The following SRGAP2 variants were observed in gnomAD, a reference collection of about 807,000 sequenced individuals.
SRGAP2 encodes the protein SLIT-ROBO Rho GTPase-activating protein 2.
A neutral mutation model predicts 57.2 loss-of-function variants in SRGAP2; 15 were observed. The observed-to-expected ratio is 0.26, with a 90% CI of 0.18 to 0.40. The LOEUF is 0.40. Among genes scored for constraint, SRGAP2 ranks in the 10% least tolerant of loss-of-function variants. SRGAP2 has a pLI of 1.00. For synonymous variants in SRGAP2, 249 were observed against 248.0 expected (o/e 1.00, Z -0.04); for missense variants, 520 against 669.6 (o/e 0.78, Z 2.47).
chr1:206,394,287 C>T (rs1289946138), intron 7 of SRGAP2, among the ~76,000 whole-genome samples: 1 of 151,514 alleles, frequency 6.6e-6, no homozygotes, highest in Non-Finnish European at 1.5e-5. Flanking sequence ...CCTCAGGTGA[C>T]CTGACCTCAG....
chr1:206,252,357 G>A (rs1186398603), intron 2 of SRGAP2, among the ~76,000 whole-genome samples: 1 of 151,886 alleles, frequency 6.6e-6, no homozygotes, highest in African/African-American at 2.4e-5. Flanking sequence ...TTAGAAATAA[G>A]TGTGAGTCCA....
chr1:206,438,846 G>GATCTTCTT (rs1662014526), intron 16 of SRGAP2, among the ~76,000 whole-genome samples: 1 of 152,338 alleles, frequency 6.6e-6, no homozygotes, highest in East Asian at 1.9e-4. Context: ...AGGTTGACCA[G>GATCTTCTT]ATCTTCATAC....
At chr1:206,248,676 G>A (rs1668647070) in intron 2 of SRGAP2, among the ~76,000 whole-genome samples, 1 of 152,138 alleles carries the variant, frequency 6.6e-6, no homozygotes, top group African/African-American at 2.4e-5. Context: ...GGATTTCACC[G>A]TGGATGTTGG....
chr1:206,450,438 A>T lies in SRGAP2; in HGVS notation c.2152A>T (p.Thr718Ser). The change falls in exon 19 of 23, where the codon ACC becomes TCC. Residue 718 changes from threonine to serine, a missense_variant. By Grantham distance (58) the Thr-to-Ser change is moderately conservative (BLOSUM62 1). Transcript: ENST00000573034. Reference protein sequence around the residue: ...TSVEDSTQDVTAEHHTSDDEC... With the variant: ...TSVEDSTQDVSAEHHTSDDEC... ...GGTTGAAGACTCAACCCAGGATGTG[A>T]CCGCAGAGCACCACACGAGCGATGA... is the stretch of plus-strand genomic sequence containing the variant. 1 of 780,846 alleles carries T rather than the reference A, an allele frequency of 1.3e-6. No individual in the cohort carries two copies. Among genetic ancestry groups the T allele is most frequent in the Non-Finnish European group, 2.4e-6 (1 of 417,966 alleles). The allele number at this position is 780,846 out of a possible 1,614,324, so 48.4% of individuals were successfully genotyped here. A position where few individuals can be genotyped will look rare whatever the true frequency, so the allele number is the denominator to read the frequency against.
chr1:206,422,558 C>T (rs1054678980), intron 13 of SRGAP2, among the ~76,000 whole-genome samples: 1 of 152,122 alleles, frequency 6.6e-6, no homozygotes, highest in African/African-American at 2.4e-5. Context: ...AGCCATTTTC[C>T]CTTTAACACT....
intron 10 of SRGAP2, among the ~76,000 whole-genome samples, chr1:206,413,974 A>G (rs1659443365): frequency 6.6e-6 from 1 of 152,126 alleles, no homozygotes; most frequent in African/African-American, 2.4e-5. Context: ...TTCACACTGT[A>G]CAGAAAAGTA....
intron 2 of SRGAP2, among the ~76,000 whole-genome samples, chr1:206,259,650 G>A (rs1669424471): frequency 6.6e-6 from 1 of 150,868 alleles, no homozygotes; most frequent in South Asian, 2.1e-4. Context: ...TCTAGTTGAG[G>A]CTATGGGTAG....
intron 3 of SRGAP2, among the ~76,000 whole-genome samples, chr1:206,332,214 C>T (rs1225789818): frequency 1.2e-4 from 14 of 118,928 alleles, no homozygotes; most frequent in Non-Finnish European, 1.6e-4. Context: ...GAGGGTAACC[C>T]GACCTTTCTC....
intron 3 of SRGAP2, among the ~76,000 whole-genome samples, chr1:206,331,873 C>G (rs1456362962): frequency 1.6e-5 from 1 of 63,008 alleles, no homozygotes; most frequent in Non-Finnish European, 2.8e-5. Flanking sequence ...GGTGATTTTG[C>G]TCGTTAGTTG....
At chr1:206,399,825 C>G (rs1383269524) in intron 7 of SRGAP2, among the ~76,000 whole-genome samples, 1 of 152,168 alleles carries the variant, frequency 6.6e-6, no homozygotes. Flanking sequence ...AGCCCATGCC[C>G]GTGCAGAGTC....
chr1:206,347,441 A>T (rs1484687524), intron 4 of SRGAP2, among the ~76,000 whole-genome samples: 1 of 147,256 alleles, frequency 6.8e-6, no homozygotes, highest in Non-Finnish European at 1.5e-5. Flanking sequence ...GCCAGGCAAG[A>T]TGGCCAGTGC....
Position 206,440,010 on chromosome 1 carries a change from C to T in SRGAP2, c.1803C>T (p.Ile601=), listed in dbSNP as rs1553371403. 1.3e-6 allele frequency: 1 copy of T among 780,882 alleles called. No individual in the cohort carries two copies. Among genetic ancestry groups the T allele is most frequent in the Admixed American group, 1.7e-5 (1 of 59,038 alleles). 48.4% of individuals were successfully genotyped at this position (780,882 alleles called of 1,614,324 possible). A position where few individuals can be genotyped will look rare whatever the true frequency, so the allele number is the denominator to read the frequency against. The change falls in exon 17 of 23, where the codon ATC becomes ATT. Residue 601 remains isoleucine, a synonymous_variant. Coordinates refer to ENST00000573034, the MANE Select transcript of SRGAP2 (RefSeq NM_015326.5). ...MDNLQERALH[I]RKVLLVLPKT... Reference sequence around the variant, plus strand: ...ACCTGCAGGAGAGAGCTCTGCACATCCGGAAAGTCCTCCTAGTCCTGCCCA... The same window carrying T: ...ACCTGCAGGAGAGAGCTCTGCACATTCGGAAAGTCCTCCTAGTCCTGCCCA...
chr1:206,431,314 A>G (rs1277167239), intron 14 of SRGAP2, among the ~76,000 whole-genome samples: 2 of 152,206 alleles, frequency 1.3e-5, no homozygotes, highest in Non-Finnish European at 2.9e-5. Context: ...ATGCAGGAAA[A>G]CAGAAACAGG....
At chr1:206,237,240 C>T (rs558454526) in intron 2 of SRGAP2, among the ~76,000 whole-genome samples, 12 of 152,118 alleles carry the variant, frequency 7.9e-5, no homozygotes, top group South Asian at 6.2e-4. Context: ...CCAGTCTGGG[C>T]GACAGAGCCA....
At chr1:206,268,406 G>A (rs1553315277) in intron 2 of SRGAP2, among the ~76,000 whole-genome samples, 3 of 150,476 alleles carry the variant, frequency 2.0e-5, no homozygotes. Flanking sequence ...CAAAGGACAT[G>A]AACTCATCCT....
intron 3 of SRGAP2, among the ~76,000 whole-genome samples, chr1:206,338,891 A>G (rs1571897511): frequency 1.3e-5 from 2 of 149,182 alleles, no homozygotes; most frequent in East Asian, 3.9e-4. Flanking sequence ...ATCTGCTTTT[A>G]AAGTACAAAT....
chr1:206,302,398 G>T (rs1159382810), intron 2 of SRGAP2, among the ~76,000 whole-genome samples: 1 of 152,036 alleles, frequency 6.6e-6, no homozygotes, highest in Non-Finnish European at 1.5e-5. Flanking sequence ...TCCAGAGAGA[G>T]TGTTTGCTAG....
chr1:206,409,970 G>A (rs1455242650), intron 10 of SRGAP2, among the ~76,000 whole-genome samples: 9 of 150,118 alleles, frequency 6.0e-5, no homozygotes, highest in South Asian at 4.2e-4. Context: ...GCGTGGTGGC[G>A]CATGCCTGTA....
intron 17 of SRGAP2, among the ~76,000 whole-genome samples, chr1:206,444,524 A>G (rs782363711): frequency 1.1e-4 from 17 of 152,314 alleles, no homozygotes; most frequent in Admixed American, 3.3e-4. Context: ...AGATCACTCT[A>G]AAGTATCAAG....
Sources: gnomAD v4.1 joint callset for allele counts (sites outside exome capture counted in the v4.1 genomes callset) on GRCh38, gnomAD v4.1.1 for gene constraint, MANE v1.5 for transcripts, NCBI Gene and HGNC (gene_info 2026-07-23, HGNC 2026-07-21) for gene names.